The following DCP1B variants were observed in gnomAD, a reference collection of about 807,000 sequenced individuals.
The protein encoded by DCP1B is mRNA-decapping enzyme 1B.
Under a neutral mutation model 60.5 loss-of-function variants are expected in DCP1B, and 47 were observed. The observed-to-expected ratio is 0.78, with a 90% CI of 0.61 to 0.99. DCP1B has a LOEUF of 0.99. DCP1B is among the 50% of genes least tolerant of loss of function. The pLI, the probability that DCP1B is intolerant of heterozygous loss-of-function variation, is 0.00. For missense variants in DCP1B, 725 were observed against 756.8 expected (o/e 0.96, Z 0.49); for synonymous variants, 267 against 280.3 (o/e 0.95, Z 0.47).
chr12:2,001,613 C>G (rs1342270067), intron 1 of DCP1B, among the ~76,000 whole-genome samples: 1 of 152,220 alleles, frequency 6.6e-6, no homozygotes, highest in East Asian at 1.9e-4. Context: ...CCAAATCTCT[C>G]TTCATCATGC....
At chr12:1,990,984 C>CAAAAAAAAAAAAAAAAAAAA in intron 3 of DCP1B, 1 of 298,628 alleles carries the variant, frequency 3.3e-6, no homozygotes, top group Non-Finnish European at 6.4e-6. Context: ...ATAGAAAGGA[C>CAAAAAAAAAAAAAAAAAAAA]AAAAAAAAAA....
intron 3 of DCP1B, among the ~76,000 whole-genome samples, chr12:1,969,882 G>T (rs561568513): frequency 6.0e-4 from 91 of 152,222 alleles, no homozygotes; most frequent in Non-Finnish European, 1.2e-3. Flanking sequence ...TGGTTATAGT[G>T]TAAGTTTTCT....
At chr12:1,985,236 A>G (rs1003893624) in intron 3 of DCP1B, among the ~76,000 whole-genome samples, 1 of 152,128 alleles carries the variant, frequency 6.6e-6, no homozygotes, top group Non-Finnish European at 1.5e-5. Context: ...TTAGACTTCA[A>G]TGGCACAAAT....
rs868256467 is a variant in DCP1B at position 1,952,332 on chromosome 12, C to A, written c.1524+84G>T. ...GGTGCTATAGGCGTGTGACACCAAGCCTGGCTACTTTTTTTTTTTTTTTAG... is the reference window on the plus strand; with the variant it reads ...GGTGCTATAGGCGTGTGACACCAAGACTGGCTACTTTTTTTTTTTTTTTAG... On this transcript the variant is annotated intron_variant, in intron 7 of 8. Transcript: ENST00000280665. 62 of 1,401,450 alleles carry A rather than the reference C, an allele frequency of 4.4e-5. 1 individual carries two copies. The African/African-American group carries it at 5.7e-4, about 13-fold the overall frequency. 86.8% of individuals were successfully genotyped at this position (1,401,450 alleles called of 1,614,324 possible).
intron 5 of DCP1B, among the ~76,000 whole-genome samples, chr12:1,960,914 T>C (rs1031387372): frequency 6.6e-6 from 1 of 152,200 alleles, no homozygotes; most frequent in East Asian, 1.9e-4. Flanking sequence ...TTTCACCCCC[T>C]TTCTTCTGTC....
chr12:1,953,300 A>G lies in DCP1B; in HGVS notation c.652-12T>C. The G allele has an allele frequency of 6.4e-7, 1 of 1,553,026 alleles. No individual in the cohort carries two copies. Among genetic ancestry groups the G allele is most frequent in the Non-Finnish European group, 8.6e-7 (1 of 1,157,400 alleles). ...TCAGGGTCTAAGGTCTGGAAAAAAT[A>G]AAGATATCTGACATGAGTCTACAAA... On this transcript the variant is annotated splice_polypyrimidine_tract_variant and intron_variant, in intron 6 of 8. Transcript: ENST00000280665.
chr12:1,949,893 G>A (rs1231857835), intron 7 of DCP1B: 4 of 179,282 alleles, frequency 2.2e-5, no homozygotes, highest in Admixed American at 1.1e-4. Flanking sequence ...TTCAGCTTCC[G>A]CAGCTGATGT....
rs1444172526 is a variant in DCP1B, at chr12:1,962,772, T to A, written c.522+2786A>T. On this transcript the variant is annotated intron_variant, in intron 5 of 8. Coordinates refer to ENST00000280665, the MANE Select transcript of DCP1B (RefSeq NM_152640.5). This position sits in a 1 kb window ranked among gnomAD's most constrained non-coding sequence, Gnocchi z 4.4. ...TAATTAAACTGTGGCTCATTCACAT[T>A]CATATTCCTTCCTTCACTCAATAGC... Among the ~76,000 whole-genome samples, 1 of 152,156 alleles carries A rather than the reference T, an allele frequency of 6.6e-6. No homozygotes were observed. Among genetic ancestry groups the A allele is most frequent in the East Asian group, 1.9e-4 (1 of 5,186 alleles).
rs1351601282 is a variant in DCP1B at position 1,965,575 on chromosome 12, T to C, written c.505A>G (p.Lys169Glu). ...ACACTCACCTTTGTGTATTCGTCTT[T>C]GGCCTTGATGAGCATTCGTAAAATG... The part of the protein sequence containing the change: ...VDILRMLIKA[K>E]DEYTKCKTCS... The change falls in exon 5 of 9, where the codon AAA (lysine) becomes GAA (glutamate). Residue 169 changes from lysine (K) to glutamate (E), a missense_variant. Physicochemically the swap from Lys to Glu is moderately conservative, Grantham distance 56. Coordinates refer to ENST00000280665, the MANE Select transcript of DCP1B (RefSeq NM_152640.5). 6.2e-7 allele frequency: 1 copy of C among 1,613,286 alleles called. No individual in the cohort carries two copies. The highest frequency in any genetic ancestry group is 8.5e-7 in the Non-Finnish European group (1 of 1,179,692).
chr12:2,000,949 A>G (rs2042052827), intron 1 of DCP1B, among the ~76,000 whole-genome samples: 1 of 152,214 alleles, frequency 6.6e-6, no homozygotes, highest in African/African-American at 2.4e-5. Flanking sequence ...AGGCAGGAGA[A>G]TAGCTTGAAC....
At chr12:1,956,035 T>C (rs2030874485) in intron 5 of DCP1B, among the ~76,000 whole-genome samples, 2 of 152,214 alleles carry the variant, frequency 1.3e-5, no homozygotes, top group South Asian at 2.1e-4. Context: ...AAAAGCTGAC[T>C]CAAACCACTG....
Position 1,952,855 on chromosome 12 carries a change from G to T in DCP1B, c.1085C>A (p.Thr362Asn), listed in dbSNP as rs1205288448. ...GTCACACTTGTTTGCTGCCCCTGGG[G>T]TACTCTGAAGTTTCTCGAACAGGTT... ...TQNLFEKLQSTPGAANKCDPS... is the reference protein window; with the variant it reads ...TQNLFEKLQSNPGAANKCDPS... The change falls in exon 7 of 9, where the codon ACC becomes AAC. Residue 362 changes from threonine (T) to asparagine (N), a missense_variant. Physicochemically the swap from Thr to Asn is moderately conservative, Grantham distance 65. Transcript: ENST00000280665. 3.1e-6 allele frequency: 5 copies of T among 1,614,048 alleles called. No individual in the cohort carries two copies. In the Admixed American group the frequency reaches 5.0e-5, roughly 16 times the overall value.
intron 6 of DCP1B, among the ~76,000 whole-genome samples, chr12:1,953,512 A>G (rs575807438): frequency 9.1e-4 from 139 of 152,324 alleles, no homozygotes; most frequent in African/African-American, 3.2e-3. Context: ...TTATATTTTA[A>G]TATCTGTTGA....
chr12:1,988,354 T>C (rs765691937), intron 3 of DCP1B, among the ~76,000 whole-genome samples: 1 of 152,198 alleles, frequency 6.6e-6, no homozygotes, highest in Non-Finnish European at 1.5e-5. Context: ...CTTAAAATAT[T>C]TGCTCAGAAG....
In DCP1B at chr12:1,949,175, G is replaced by A. The variant is rs956623680; in HGVS notation, c.1684C>T (p.Leu562=). Residue 562 remains leucine (L), a synonymous_variant, in exon 8 of 9, where the codon CTG becomes TTG. Coordinates refer to ENST00000280665, the MANE Select transcript of DCP1B (RefSeq NM_152640.5). ...EPPAAATSLL[L]PIQSPEPSVI... Reference sequence around the variant, plus strand: ...GAGGGCTCCGGGCTCTGTATGGGCAGGAGGAGGCTGGTGGCAGCAGCAGGT... The same window carrying A: ...GAGGGCTCCGGGCTCTGTATGGGCAAGAGGAGGCTGGTGGCAGCAGCAGGT... The A allele has an allele frequency of 6.2e-7, 1 of 1,614,074 alleles. No individual in the cohort carries two copies. The highest frequency in any genetic ancestry group is 1.3e-5 in the African/African-American group (1 of 74,946).
intron 4 of DCP1B, among the ~76,000 whole-genome samples, chr12:1,967,640 T>C (rs2031352253): frequency 6.6e-6 from 1 of 152,272 alleles, no homozygotes; most frequent in African/African-American, 2.4e-5. Context: ...TCATTCTAGA[T>C]GATAAATATT....
chr12:1,966,631 T>C (rs1187679096), intron 4 of DCP1B, among the ~76,000 whole-genome samples: 4 of 152,212 alleles, frequency 2.6e-5, no homozygotes, highest in Non-Finnish European at 5.9e-5. Context: ...CTGACAATTA[T>C]AACATGGCCT....
chr12:1,957,158 G>A (rs1047630895), intron 5 of DCP1B, among the ~76,000 whole-genome samples: 5 of 152,022 alleles, frequency 3.3e-5, no homozygotes, highest in South Asian at 2.1e-4. Context: ...TGCTTTTCCC[G>A]ACCTAAATAT....
intron 3 of DCP1B, among the ~76,000 whole-genome samples, chr12:1,980,214 C>T (rs2035708913): frequency 6.6e-6 from 1 of 152,132 alleles, no homozygotes; most frequent in Non-Finnish European, 1.5e-5. Context: ...GGAAATAATT[C>T]AAGTATCTAT....
Sources: allele counts gnomAD v4.1 joint callset (sites outside exome capture counted in the v4.1 genomes callset), GRCh38; gene constraint gnomAD v4.1.1; non-coding constraint Gnocchi (gnomAD v3.1); transcripts MANE v1.5; gene names NCBI Gene and HGNC (gene_info 2026-07-23, HGNC 2026-07-21).